Variants in ATG10 observed in about 807,000 individuals in gnomAD.
ATG10 encodes ubiquitin-like-conjugating enzyme ATG10.
A neutral mutation model predicts 32.1 loss-of-function variants in ATG10; 30 were observed. The ratio of observed to expected loss-of-function variants is 0.94; its 90% CI spans 0.70 to 1.27. The LOEUF is 1.27. Ranked by LOEUF, ATG10 falls within the 50% of genes most tolerant of loss-of-function variation. ATG10 has a pLI of 0.00. For synonymous variants in ATG10, 87 were observed against 91.5 expected (o/e 0.95, Z 0.28); for missense variants, 233 against 262.3 (o/e 0.89, Z 0.77).
intron 5 of ATG10, among the ~76,000 whole-genome samples, chr5:82,188,674 G>T (rs996436577): frequency 1.3e-5 from 2 of 152,164 alleles, no homozygotes; most frequent in African/African-American, 2.4e-5. Context: ...TGGGGGCTGG[G>T]GGTGAGGACC....
intron 3 of ATG10, among the ~76,000 whole-genome samples, chr5:82,078,206 C>T (rs1764342557): frequency 6.6e-6 from 1 of 152,030 alleles, no homozygotes; most frequent in Non-Finnish European, 1.5e-5. Flanking sequence ...TAGTTTTTTC[C>T]TTTCATATGC....
In ATG10 at chr5:82,252,561, G is replaced by C; in HGVS notation, c.454-1G>C. ...TCCTGGACCAATTCTGATTCTTACA[G>C]GAACATCCAATACTTGGGCAACCCT... On this transcript the variant is annotated splice_acceptor_variant, in intron 5 of 7. Transcript: ENST00000282185. LOFTEE classifies it high-confidence loss of function. The C allele has an allele frequency of 3.1e-6, 5 of 1,589,454 alleles. No individual in the cohort carries two copies. Among genetic ancestry groups the C allele is most frequent in the Non-Finnish European group, 4.3e-6 (5 of 1,159,692 alleles).
At chr5:82,041,011 A>C (rs1763068590) in intron 2 of ATG10, among the ~76,000 whole-genome samples, 2 of 152,198 alleles carry the variant, frequency 1.3e-5, no homozygotes, top group South Asian at 4.1e-4. Context: ...AAATGTCAAG[A>C]CTTATGAGAG....
At chr5:81,975,776 T>C (rs1397668836) in intron 1 of ATG10, among the ~76,000 whole-genome samples, 1 of 152,068 alleles carries the variant, frequency 6.6e-6, no homozygotes, top group Non-Finnish European at 1.5e-5. Flanking sequence ...TTCTTTTTCT[T>C]TTTTGTTTTT....
intron 2 of ATG10, among the ~76,000 whole-genome samples, chr5:82,019,443 T>C (rs1762378628): frequency 6.6e-6 from 1 of 152,120 alleles, no homozygotes; most frequent in Admixed American, 6.5e-5. Context: ...AGCCTCAAGC[T>C]GAAGACAAAA....
rs897866638 is a variant in ATG10, at chr5:82,135,578, A to G, written c.217-28821A>G. 2.6e-5 allele frequency among the ~76,000 whole-genome samples: 4 copies of G among 152,026 alleles called. No homozygotes were observed. In the South Asian group the frequency reaches 6.2e-4, roughly 24 times the overall value. ...TGAGTTCTAATTTGTTTGCACTGTG[A>G]TCTGAGAGACTGTTATGATTTCTGT... On this transcript the variant is annotated intron_variant, in intron 3 of 7. Transcript: ENST00000282185.
chr5:82,113,888 T>C (rs1191731094), intron 3 of ATG10, among the ~76,000 whole-genome samples: 1 of 152,052 alleles, frequency 6.6e-6, no homozygotes, highest in African/African-American at 2.4e-5. Flanking sequence ...ATTAAGGATG[T>C]GAGCACTTTG....
chr5:82,231,595 A>G (rs1746370180), intron 5 of ATG10, among the ~76,000 whole-genome samples: 1 of 152,198 alleles, frequency 6.6e-6, no homozygotes, highest in East Asian at 1.9e-4. Context: ...AATGCCTCAT[A>G]GTAGCCAGGT....
At chr5:82,012,398 A>G (rs568158504) in intron 2 of ATG10, among the ~76,000 whole-genome samples, 7 of 152,236 alleles carry the variant, frequency 4.6e-5, no homozygotes, top group Middle Eastern at 3.4e-3. Flanking sequence ...ATCTTTTCAT[A>G]TGTTTATTAG....
intron 3 of ATG10, among the ~76,000 whole-genome samples, chr5:82,154,738 A>G (rs2149886187): frequency 6.6e-6 from 1 of 152,362 alleles, no homozygotes; most frequent in East Asian, 1.9e-4. Context: ...AAAAGCAACA[A>G]CCACATCTTT....
chr5:82,018,274 C>T (rs1244566883), intron 2 of ATG10, among the ~76,000 whole-genome samples: 1 of 151,976 alleles, frequency 6.6e-6, no homozygotes, highest in African/African-American at 2.4e-5. Flanking sequence ...TTTTTTACAC[C>T]CCACATCTAA....
intron 3 of ATG10, among the ~76,000 whole-genome samples, chr5:82,123,826 G>T (rs1766143665): frequency 6.6e-6 from 1 of 151,020 alleles, no homozygotes; most frequent in Admixed American, 6.6e-5. Context: ...GTCTCAGCTA[G>T]TCAGGAGGCT....
intron 2 of ATG10, among the ~76,000 whole-genome samples, chr5:82,057,975 C>T (rs563782057): frequency 3.3e-5 from 5 of 152,168 alleles, no homozygotes; most frequent in South Asian, 2.1e-4. Flanking sequence ...TGGAAATGAC[C>T]GCTGTGTAAG....
intron 5 of ATG10, among the ~76,000 whole-genome samples, chr5:82,192,396 G>T (rs1744698576): frequency 6.6e-6 from 1 of 152,156 alleles, no homozygotes; most frequent in African/African-American, 2.4e-5. Context: ...AATAGATTCT[G>T]GTTTTTGCAA....
chr5:82,185,044 T>C (rs1416798845), intron 5 of ATG10, among the ~76,000 whole-genome samples: 1 of 152,240 alleles, frequency 6.6e-6, no homozygotes, highest in African/African-American at 2.4e-5. Context: ...TATTCTCAAA[T>C]TTCCAAACCA....
intron 5 of ATG10, among the ~76,000 whole-genome samples, chr5:82,188,676 G>C (rs952547556): frequency 7.9e-5 from 12 of 152,282 alleles, no homozygotes; most frequent in African/African-American, 2.6e-4. Context: ...GGGGCTGGGG[G>C]TGAGGACCAG....
intron 5 of ATG10, among the ~76,000 whole-genome samples, chr5:82,205,609 T>C (rs367982999): frequency 6.6e-6 from 1 of 152,200 alleles, no homozygotes. Flanking sequence ...TTTATGGTTT[T>C]TATTTTTTAT....
chr5:82,149,572 C>T (rs1156808943), intron 3 of ATG10, among the ~76,000 whole-genome samples: 1 of 151,746 alleles, frequency 6.6e-6, no homozygotes, highest in Non-Finnish European at 1.5e-5. Flanking sequence ...ATTAAAACCA[C>T]ACTACTACTG....
intron 5 of ATG10, chr5:82,242,691 T>TA (rs35516979): frequency 7.7e-5 from 26 of 336,312 alleles, no homozygotes; most frequent in Middle Eastern, 4.1e-4. Context: ...ATCCAAGTGC[T>TA]AAAAAAAATC....
Sources: allele counts gnomAD v4.1 joint callset (sites outside exome capture counted in the v4.1 genomes callset), GRCh38; gene constraint gnomAD v4.1.1; transcripts MANE v1.5; gene names NCBI Gene and HGNC (gene_info 2026-07-23, HGNC 2026-07-21).